The following HIVEP2 variants were observed in gnomAD, a reference collection of about 807,000 sequenced individuals.
HIVEP2 encodes the protein HIVEP zinc finger 2, also known as transcription factor HIVEP2.
In HIVEP2, 14 loss-of-function variants were observed where a neutral mutation model predicts 180.7. The ratio of observed to expected loss-of-function variants is 0.08; its 90% CI spans 0.05 to 0.12. The LOEUF (loss-of-function observed/expected upper bound fraction) is 0.12, where lower values mean the gene tolerates loss of function less well. Ranked by LOEUF, HIVEP2 falls within the 10% of genes least tolerant of loss-of-function variation. The pLI is 1.00. For synonymous variants in HIVEP2, 1,184 were observed against 1,136.4 expected, an observed-to-expected ratio of 1.04 and a Z score of -0.84; for missense variants, 2,579 against 3,008.5, an observed-to-expected ratio of 0.86 and a Z score of 3.34.
At chr6:142,913,926 G>C (rs1437239905) in intron 1 of HIVEP2, among the ~76,000 whole-genome samples, 4 of 152,088 alleles carry the variant, frequency 2.6e-5, no homozygotes, top group Non-Finnish European at 4.4e-5. Flanking sequence ...TTGCACGTTT[G>C]CACGTGTCTC....
intron 2 of HIVEP2, among the ~76,000 whole-genome samples, chr6:142,792,715 T>TTAAAA (rs1435423978): frequency 3.3e-5 from 5 of 151,862 alleles, no homozygotes; most frequent in East Asian, 1.9e-4. Flanking sequence ...ATCCCAGAAT[T>TTAAAA]TAAAATAAAA....
chr6:142,935,061 T>C (rs1449155055), intron 1 of HIVEP2, among the ~76,000 whole-genome samples: 1 of 152,204 alleles, frequency 6.6e-6, no homozygotes. Context: ...TAAGCTCCCC[T>C]ATCCAACTGT....
chr6:142,770,861 A>C lies in HIVEP2; in HGVS notation c.3878T>G (p.Leu1293Arg), dbSNP rs1775519538. 1 of 1,614,098 alleles carries C rather than the reference A, an allele frequency of 6.2e-7. No homozygotes were observed. The highest frequency in any genetic ancestry group is 1.1e-5 in the South Asian group (1 of 91,080). Reference sequence around the variant, plus strand: ...CTGGTCTGATGGAAACTTTGGAAGAAGGTTCTTTGGGTGTAGCCCTGATGC... The same window carrying C: ...CTGGTCTGATGGAAACTTTGGAAGACGGTTCTTTGGGTGTAGCCCTGATGC... ...SGASGLHPKN[L>R]LPKFPSDQSS... The change falls in exon 5 of 10, where the codon CTT becomes CGT. Residue 1293 changes from leucine (L) to arginine (R), a missense_variant. By Grantham distance (102) the Leu-to-Arg change is moderately radical. Around this residue, in one of 11 missense-constraint regions of HIVEP2, gnomAD observed 523 missense variants for 577.0 expected, o/e 0.91. Coordinates refer to ENST00000367603, the MANE Select transcript of HIVEP2 (RefSeq NM_006734.4). The surrounding 1 kb of genome is among the most constrained non-coding windows in gnomAD (Gnocchi z 4.7).
chr6:142,861,667 G>A (rs1775982693), intron 1 of HIVEP2, among the ~76,000 whole-genome samples: 1 of 152,128 alleles, frequency 6.6e-6, no homozygotes, highest in Admixed American at 6.5e-5. Flanking sequence ...AAATCATCAA[G>A]TAAATGCCCT....
chr6:142,825,529 C>T (rs1215003338), intron 2 of HIVEP2, among the ~76,000 whole-genome samples: 1 of 152,130 alleles, frequency 6.6e-6, no homozygotes, highest in South Asian at 2.1e-4. Flanking sequence ...ATTTAGAAAT[C>T]TCTTATTAAG....
chr6:142,760,418 A>C lies in HIVEP2; in HGVS notation c.5870T>G (p.Val1957Gly). 1.2e-6 allele frequency: 2 copies of C among 1,614,158 alleles called. No homozygotes were observed. Among genetic ancestry groups the C allele is most frequent in the Non-Finnish European group, 1.7e-6 (2 of 1,180,040 alleles). The change falls in exon 9 of 10, where the codon GTT becomes GGT. Residue 1957 changes from valine to glycine, a missense_variant. Val to Gly is a moderately radical substitution (Grantham distance 109, BLOSUM62 -3). Around this residue, in one of 11 missense-constraint regions of HIVEP2, gnomAD observed 660 missense variants for 731.7 expected, o/e 0.90. Coordinates refer to ENST00000367603, the MANE Select transcript of HIVEP2 (RefSeq NM_006734.4). ...PVNVGAVPHG[V>G]PSDSSLGHSS... is the part of the protein sequence containing the mutation. ...ATGTCCCAGGGAACTATCTGAAGGA[A>C]CCCCGTGGGGTACGGCGCCAACATT...
rs567159182 is a variant in HIVEP2 at position 142,763,021 on chromosome 6, C to T, written c.5519-1456G>A. Among the ~76,000 whole-genome samples, 10 of 152,184 alleles carry T rather than the reference C, an allele frequency of 6.6e-5. No homozygotes were observed. The East Asian group carries it at 7.7e-4, about 12-fold the overall frequency. On this transcript the variant is annotated intron_variant, in intron 7 of 9. Coordinates refer to ENST00000367603, the MANE Select transcript of HIVEP2 (RefSeq NM_006734.4). ...CATCACTTGTGCCAGAGTGCAAGTA[C>T]GCTATGGATGTGTATAGGTATAGAT...
intron 1 of HIVEP2, among the ~76,000 whole-genome samples, chr6:142,934,085 T>C (rs1053047487): frequency 1.3e-5 from 2 of 152,246 alleles, no homozygotes; most frequent in Non-Finnish European, 2.9e-5. Flanking sequence ...AGGCCTGTAA[T>C]AAATTGCATC....
At chr6:142,930,149 C>G (rs1045101775) in intron 1 of HIVEP2, among the ~76,000 whole-genome samples, 1 of 152,164 alleles carries the variant, frequency 6.6e-6, no homozygotes, top group Non-Finnish European at 1.5e-5. Flanking sequence ...CTGTGTTGTT[C>G]CTCTACAGCC....
At chr6:142,855,401 C>T (rs139574116) in intron 1 of HIVEP2, among the ~76,000 whole-genome samples, 470 of 152,290 alleles carry the variant, frequency 3.1e-3, no homozygotes, top group Non-Finnish European at 3.6e-3. Context: ...TACAAGTAAC[C>T]GTCATCCCCA....
intron 1 of HIVEP2, among the ~76,000 whole-genome samples, chr6:142,866,539 T>C (rs1259082912): frequency 6.6e-6 from 1 of 152,132 alleles, no homozygotes; most frequent in African/African-American, 2.4e-5. Flanking sequence ...CTTTCTCCCA[T>C]GTATGTAGAT....
At chr6:142,818,724 G>GA (rs1776924677) in intron 2 of HIVEP2, among the ~76,000 whole-genome samples, 1 of 49,186 alleles carries the variant, frequency 2.0e-5, no homozygotes, top group African/African-American at 7.7e-5. Flanking sequence ...AGAAAGAAAA[G>GA]AAAGAAAGAA....
chr6:142,892,402 C>T lies in HIVEP2; in HGVS notation c.-641+52697G>A, dbSNP rs976272937. Among the ~76,000 whole-genome samples the T allele has an allele frequency of 1.2e-4, 19 of 152,286 alleles. No homozygotes were observed. In the East Asian group the frequency reaches 2.1e-3, roughly 17 times the overall value. On this transcript the variant is annotated intron_variant, in intron 1 of 9. Coordinates refer to ENST00000367603, the MANE Select transcript of HIVEP2 (RefSeq NM_006734.4). ...GGATAAAGCTCTTCCTACATCCCGG[C>T]GGAGGTGCCAGAGAAATAAGCAACC...
chr6:142,898,743 A>G (rs1456749867), intron 1 of HIVEP2, among the ~76,000 whole-genome samples: 1 of 152,156 alleles, frequency 6.6e-6, no homozygotes, highest in Non-Finnish European at 1.5e-5. Flanking sequence ...CCTTATCCTG[A>G]GCAATATCAT....
Position 142,785,023 on chromosome 6 carries a change from G to A in HIVEP2, c.-527-1408C>T, listed in dbSNP as rs551326824. Among the ~76,000 whole-genome samples the A allele has an allele frequency of 2.0e-5, 3 of 151,982 alleles. No individual in the cohort carries two copies. In the East Asian group the frequency reaches 5.9e-4, roughly 30 times the overall value. On this transcript the variant is annotated intron_variant, in intron 2 of 9. Transcript: ENST00000367603. ...CTGCCTCAGCCTCCCAAGTAGCTGGGACTACAGGCACCCACCACCACGCCC... is the reference window on the plus strand; with the variant it reads ...CTGCCTCAGCCTCCCAAGTAGCTGGAACTACAGGCACCCACCACCACGCCC...
intron 1 of HIVEP2, among the ~76,000 whole-genome samples, chr6:142,867,140 T>TG (rs1326694352): frequency 1.5e-4 from 23 of 152,172 alleles, no homozygotes; most frequent in African/African-American, 5.5e-4. Context: ...CCAAATACAC[T>TG]TATTAGGAAG....
At chr6:142,915,052 A>C (rs1777516388) in intron 1 of HIVEP2, among the ~76,000 whole-genome samples, 1 of 152,120 alleles carries the variant, frequency 6.6e-6, no homozygotes, top group Non-Finnish European at 1.5e-5. Flanking sequence ...TAAACACTTA[A>C]TTTGAACCTC....
chr6:142,901,435 T>C (rs1426675012), intron 1 of HIVEP2, among the ~76,000 whole-genome samples: 1 of 152,192 alleles, frequency 6.6e-6, no homozygotes. Flanking sequence ...AACATAGATA[T>C]GCTTCTGCAA....
intron 2 of HIVEP2, among the ~76,000 whole-genome samples, chr6:142,812,095 G>A (rs928323628): frequency 3.9e-5 from 6 of 152,288 alleles, no homozygotes; most frequent in East Asian, 3.9e-4. Context: ...AGCAGTCCCC[G>A]AGTGGAGGAC....
Sources: allele counts gnomAD v4.1 joint callset (sites outside exome capture counted in the v4.1 genomes callset), GRCh38; gene constraint gnomAD v4.1.1; regional missense constraint gnomAD v4.1.1; non-coding constraint Gnocchi (gnomAD v3.1); transcripts MANE v1.5; gene names NCBI Gene and HGNC (gene_info 2026-07-23, HGNC 2026-07-21).